Variants in SORCS2 observed in about 807,000 individuals in gnomAD.
SORCS2 encodes sortilin related VPS10 domain containing receptor 2.
In SORCS2, 100 loss-of-function variants were observed where a neutral mutation model predicts 141.6. That is an observed-to-expected ratio of 0.71 (90% CI 0.60 to 0.83). SORCS2 has a LOEUF of 0.83. SORCS2 is among the 40% of genes least tolerant of loss of function. The pLI is 0.00. For synonymous variants in SORCS2, 789 were observed against 676.9 expected, an observed-to-expected ratio of 1.17 and a Z score of -2.57; for missense variants, 1,646 against 1,560.2, an observed-to-expected ratio of 1.05 and a Z score of -0.93.
Position 7,349,034 on chromosome 4 carries a change from C to A in SORCS2, c.481-47254C>A, listed in dbSNP as rs76336419. 7.9e-5 allele frequency among the ~76,000 whole-genome samples: 12 copies of A among 152,352 alleles called. No homozygotes were observed. The East Asian group carries it at 2.3e-3, about 29-fold the overall frequency. On this transcript the variant is annotated intron_variant, in intron 1 of 26. Transcript: ENST00000507866. ...CTCTGGCTTCCATACACTTATTTGA[C>A]ATTGATTGATGGCTACCAAGGGGGA...
intron 4 of SORCS2, among the ~76,000 whole-genome samples, chr4:7,650,235 G>T (rs952846543): frequency 1.3e-5 from 2 of 152,230 alleles, no homozygotes; most frequent in Non-Finnish European, 2.9e-5. Flanking sequence ...TCTGCACGAG[G>T]TATTGTTAGA....
chr4:7,339,289 A>G (rs2108985694), intron 1 of SORCS2, among the ~76,000 whole-genome samples: 1 of 152,346 alleles, frequency 6.6e-6, no homozygotes, highest in Non-Finnish European at 1.5e-5. Context: ...ATGAGTGACA[A>G]GACAGCTTGA....
At chr4:7,449,851 G>A (rs566474625) in intron 2 of SORCS2, among the ~76,000 whole-genome samples, 32 of 152,206 alleles carry the variant, frequency 2.1e-4, no homozygotes, top group African/African-American at 7.2e-4. Flanking sequence ...GAGCCACCCC[G>A]CCCTCCCAGA....
chr4:7,288,378 A>G (rs1159392895), intron 1 of SORCS2, among the ~76,000 whole-genome samples: 2 of 151,716 alleles, frequency 1.3e-5, no homozygotes, highest in African/African-American at 4.8e-5. Context: ...GGGGCTCTGT[A>G]TTTGTCAACT....
chr4:7,343,610 CT>C (rs1219664775), intron 1 of SORCS2, among the ~76,000 whole-genome samples: 1 of 152,224 alleles, frequency 6.6e-6, no homozygotes, highest in Non-Finnish European at 1.5e-5. Flanking sequence ...GGGCAGATGC[CT>C]GGCTTCAGAC....
chr4:7,264,049 G>GC (rs937812511), intron 1 of SORCS2, among the ~76,000 whole-genome samples: 1 of 152,186 alleles, frequency 6.6e-6, no homozygotes, highest in Admixed American at 6.5e-5. Flanking sequence ...GGTCACAGAG[G>GC]CCCCCCTCCC....
chr4:7,661,389 G>A (rs1722154377), intron 5 of SORCS2, 111 bp from the exon 6 acceptor site: 2 of 1,130,400 alleles, frequency 1.8e-6, no homozygotes, highest in Admixed American at 2.0e-5. Context: ...CACAGAGCAA[G>A]GGCGGCTTCA....
chr4:7,435,846 T>C (rs1481646620), intron 2 of SORCS2, among the ~76,000 whole-genome samples: 2 of 152,244 alleles, frequency 1.3e-5, no homozygotes, highest in African/African-American at 4.8e-5. Flanking sequence ...CTGGCCTAAT[T>C]GCCAAACAGC....
intron 3 of SORCS2, among the ~76,000 whole-genome samples, chr4:7,569,610 AC>A (rs1715246632): frequency 6.6e-6 from 1 of 152,226 alleles, no homozygotes; most frequent in Admixed American, 6.5e-5. Context: ...TGTGCAGAGA[AC>A]ATGTGTGTGT....
chr4:7,588,936 G>A (rs1240424225), intron 3 of SORCS2, among the ~76,000 whole-genome samples: 1 of 152,238 alleles, frequency 6.6e-6, no homozygotes, highest in African/African-American at 2.4e-5. Context: ...TGGACATCAA[G>A]TTGGTTTTAT....
At chr4:7,273,357 C>T (rs764319266) in intron 1 of SORCS2, among the ~76,000 whole-genome samples, 2 of 152,170 alleles carry the variant, frequency 1.3e-5, no homozygotes, top group Non-Finnish European at 2.9e-5. Context: ...TTGTCTCGGT[C>T]CTCCCTCTGT....
At chr4:7,371,025 C>T (rs1471805848) in intron 1 of SORCS2, among the ~76,000 whole-genome samples, 1 of 152,192 alleles carries the variant, frequency 6.6e-6, no homozygotes, top group Non-Finnish European at 1.5e-5. Flanking sequence ...TTGCCTTTCT[C>T]CCCGGCTCTC....
intron 3 of SORCS2, among the ~76,000 whole-genome samples, chr4:7,623,584 T>C (rs902389450): frequency 6.6e-6 from 1 of 152,078 alleles, no homozygotes; most frequent in African/African-American, 2.4e-5. Flanking sequence ...CATCCAGTCC[T>C]GCTCCTTCCA....
rs189501236 is a variant in SORCS2, at chr4:7,478,381, C to T, written c.549-53149C>T. Among the ~76,000 whole-genome samples, 435 of 152,186 alleles carry T rather than the reference C, an allele frequency of 2.9e-3. 2 individuals carry two copies. Among genetic ancestry groups the T allele is most frequent in the Non-Finnish European group, 3.1e-3 (209 of 67,998 alleles). ...AAATGTGCCTTCCAGGTGAGGCCTC[C>T]CACACCCCCTTATTTAAAAGAGTAC... is the stretch of plus-strand genomic sequence containing the variant. On this transcript the variant is annotated intron_variant, in intron 2 of 26. Coordinates refer to ENST00000507866, the MANE Select transcript of SORCS2 (RefSeq NM_020777.3).
chr4:7,534,674 G>T (rs949090151), intron 3 of SORCS2, among the ~76,000 whole-genome samples: 3 of 152,164 alleles, frequency 2.0e-5, no homozygotes, highest in African/African-American at 7.2e-5. Flanking sequence ...AGAGGCTGGG[G>T]CAGGGCCTGG....
chr4:7,349,085 C>T (rs1164546640), intron 1 of SORCS2, among the ~76,000 whole-genome samples: 3 of 152,194 alleles, frequency 2.0e-5, no homozygotes, highest in Non-Finnish European at 4.4e-5. Context: ...ACACCTACCT[C>T]TTATGCCAGT....
intron 2 of SORCS2, among the ~76,000 whole-genome samples, chr4:7,470,661 C>T (rs528954689): frequency 7.9e-5 from 12 of 152,180 alleles, no homozygotes; most frequent in Admixed American, 3.3e-4. Context: ...ATGATCTGGG[C>T]GATGATTGGA....
intron 1 of SORCS2, among the ~76,000 whole-genome samples, chr4:7,232,392 G>T (rs1405876265): frequency 2.0e-5 from 3 of 152,178 alleles, no homozygotes; most frequent in Non-Finnish European, 4.4e-5. Context: ...AGGACCCAGG[G>T]CCCGGCGCCT....
intron 1 of SORCS2, among the ~76,000 whole-genome samples, chr4:7,227,016 A>C (rs1213145109): frequency 6.6e-6 from 1 of 152,122 alleles, no homozygotes; most frequent in Non-Finnish European, 1.5e-5. Flanking sequence ...AGCACCCCTC[A>C]CATTTCATCC....
Sources: allele counts gnomAD v4.1 joint callset (sites outside exome capture counted in the v4.1 genomes callset), GRCh38; gene constraint gnomAD v4.1.1; transcripts MANE v1.5; gene names NCBI Gene and HGNC (gene_info 2026-07-23, HGNC 2026-07-21).